SLC9A3: variants seen among roughly 807,000 people sequenced by gnomAD.
SLC9A3 encodes the protein solute carrier family 9 member A3.
A neutral mutation model predicts 86.8 loss-of-function variants in SLC9A3; 37 were observed. The observed-to-expected ratio is 0.43, with a 90% confidence interval of 0.33 to 0.56. The LOEUF is 0.56. Among genes scored for constraint, SLC9A3 ranks in the 20% least tolerant of loss-of-function variants. The probability of loss-of-function intolerance (pLI) is 0.06; values close to 1 mark genes in which losing one functional copy is unlikely to be tolerated. For missense variants in SLC9A3, 1,011 were observed against 1,171.9 expected, an observed-to-expected ratio of 0.86 and a Z score of 2.00; for synonymous variants, 581 against 528.3, an observed-to-expected ratio of 1.10 and a Z score of -1.37.
At chr5:514,346 C>T (rs542530808) in intron 1 of SLC9A3, among the ~76,000 whole-genome samples, 184 of 152,316 alleles carry the variant, frequency 1.2e-3, no homozygotes, top group African/African-American at 4.4e-3. Flanking sequence ...GGCTCTGTCC[C>T]TCAGGGGGCT....
In SLC9A3 at chr5:481,533, GCGACACCGCCGGGGCCGTC is replaced by G; in HGVS notation, c.1517+13_1517+31del. ...AGGATGTTTCCAGAAGCCGGGCTGT[GCGACACCGCCGGGGCCGTC>G]CCAGCCACTTACTTGTCTCTGAGAT... On this transcript the variant is annotated intron_variant, in intron 9 of 16. Coordinates refer to ENST00000264938, the MANE Select transcript of SLC9A3 (RefSeq NM_004174.4). 1 of 1,573,016 alleles carries G rather than the reference GCGACACCGCCGGGGCCGTC, an allele frequency of 6.4e-7. No individual in the cohort carries two copies. Among genetic ancestry groups the G allele is most frequent in the Non-Finnish European group, 8.8e-7 (1 of 1,142,772 alleles).
chr5:486,902 CCAG>C (rs1458230531), intron 3 of SLC9A3, among the ~76,000 whole-genome samples: 327 of 120,132 alleles, frequency 2.7e-3, no homozygotes, highest in African/African-American at 5.8e-3. Context: ...ACACCGTGAT[CCAG>C]ACCGCACTGA....
intron 1 of SLC9A3, among the ~76,000 whole-genome samples, chr5:512,155 C>T (rs1733570962): frequency 6.6e-6 from 1 of 152,190 alleles, no homozygotes; most frequent in Non-Finnish European, 1.5e-5. Context: ...GGCAGTGAAG[C>T]TCCTCTGGAT....
At chr5:508,388 A>G (rs1740714811) in intron 1 of SLC9A3, among the ~76,000 whole-genome samples, 1 of 134,822 alleles carries the variant, frequency 7.4e-6, no homozygotes, top group Non-Finnish European at 1.6e-5. Flanking sequence ...TGCCGCAGGG[A>G]AACTCAGGCC....
At chr5:493,000 C>T (rs573863021) in intron 1 of SLC9A3, among the ~76,000 whole-genome samples, 1 of 152,362 alleles carries the variant, frequency 6.6e-6, no homozygotes, top group Non-Finnish European at 1.5e-5. Context: ...GAGCTTCACC[C>T]CGTCCCCCAG....
At chr5:493,100 G>A (rs374405617) in intron 1 of SLC9A3, among the ~76,000 whole-genome samples, 10 of 141,536 alleles carry the variant, frequency 7.1e-5, no homozygotes, top group African/African-American at 2.6e-4. Context: ...TGTCTCCTGT[G>A]TTTTAGTTGG....
chr5:503,288 C>A (rs567217120), intron 1 of SLC9A3, among the ~76,000 whole-genome samples: 2 of 152,320 alleles, frequency 1.3e-5, no homozygotes, highest in South Asian at 4.1e-4. Context: ...GTAGCCGCAG[C>A]ACTTTGGGAG....
At chr5:477,477 G>A in intron 10 of SLC9A3, 33 bp from the exon 11 acceptor site, 2 of 1,512,116 alleles carry the variant, frequency 1.3e-6, no homozygotes, top group Non-Finnish European at 1.8e-6. Flanking sequence ...TCAGTGGCCT[G>A]AGCAGCCAAG....
rs934019610 is a variant in SLC9A3 at position 475,573 on chromosome 5, C to T, written c.2239G>A (p.Asp747Asn). The change falls in exon 15 of 17, where the codon GAC becomes AAC. Residue 747 changes from aspartate to asparagine, a missense_variant. Coordinates refer to ENST00000264938, the MANE Select transcript of SLC9A3 (RefSeq NM_004174.4). The part of the protein sequence containing the change: ...LASVTKDTAS[D>N]SPAGIDNPVF... ...GCCCCGTCCCCACCTGCAGGGGAGTCGGACGCTGTGTCCTTGGTGACACTA... is the reference window on the plus strand; with the variant it reads ...GCCCCGTCCCCACCTGCAGGGGAGTTGGACGCTGTGTCCTTGGTGACACTA... 8.4e-6 allele frequency: 13 copies of T among 1,547,042 alleles called. No homozygotes were observed. In the African/African-American group the frequency reaches 1.5e-4, roughly 18 times the overall value.
chr5:472,744 G>A lies in SLC9A3; in HGVS notation c.*635C>T, dbSNP rs1228126484. 3.4e-6 allele frequency: 2 copies of A among 582,026 alleles called. No individual in the cohort carries two copies. Among genetic ancestry groups the A allele is most frequent in the Admixed American group, 2.2e-5 (1 of 45,812 alleles). The allele number at this position is 582,026 out of a possible 1,614,324, so 36.1% of individuals were successfully genotyped here. On this transcript the variant is annotated 3_prime_UTR_variant, in exon 17 of 17. Transcript: ENST00000264938. ...CGGCCCAGGCCGCTTGCGGGCGCTGGGCCTGCAGCCGCTGCAGGTCGGGCC... is the reference window on the plus strand; with the variant it reads ...CGGCCCAGGCCGCTTGCGGGCGCTGAGCCTGCAGCCGCTGCAGGTCGGGCC...
Position 471,972 on chromosome 5 carries a change from C to T in SLC9A3, c.*1407G>A, listed in dbSNP as rs1179407760. 2 of 456,534 alleles carry T rather than the reference C, an allele frequency of 4.4e-6. No homozygotes were observed. The highest frequency in any genetic ancestry group is 8.8e-6 in the Non-Finnish European group (2 of 226,976). 28.3% of individuals were successfully genotyped at this position (456,534 alleles called of 1,614,324 possible). A position where few individuals can be genotyped will look rare whatever the true frequency, so the allele number is the denominator to read the frequency against. ...GTGACTGTCAACACTTGATCTGAAA[C>T]GTGAATAGTTTAATTTTCCTGAGCA... On this transcript the variant is annotated 3_prime_UTR_variant, in exon 17 of 17. Coordinates refer to ENST00000264938, the MANE Select transcript of SLC9A3 (RefSeq NM_004174.4).
At position 471,344 on chromosome 5, in the gene SLC9A3, C is replaced by A; in HGVS notation, c.*2035G>T. The A allele has an allele frequency of 5.0e-6, 1 of 198,200 alleles. No individual in the cohort carries two copies. The highest frequency in any genetic ancestry group is 1.1e-5 in the Non-Finnish European group (1 of 94,422). The allele number at this position is 198,200 out of a possible 1,614,324, so 12.3% of individuals were successfully genotyped here. On this transcript the variant is annotated 3_prime_UTR_variant, in exon 17 of 17. Coordinates refer to ENST00000264938, the MANE Select transcript of SLC9A3 (RefSeq NM_004174.4). ...GGAGTCAGATGCAGGCCCAAGGGTC[C>A]AGGGGAGTTGTTCAGCGCCTGGAAT...
intron 15 of SLC9A3, 174 bp downstream of exon 15, chr5:475,387 C>A: frequency 1.6e-6 from 1 of 620,002 alleles, no homozygotes; most frequent in Non-Finnish European, 2.8e-6. Context: ...CCCCGGACAG[C>A]AGCCTCCGAG....
rs1733970964 is a variant in SLC9A3, at chr5:524,261, C to G, written c.62G>C (p.Gly21Ala). 2 of 1,389,830 alleles carry G rather than the reference C, an allele frequency of 1.4e-6. No homozygotes were observed. The highest frequency in any genetic ancestry group is 3.1e-5 in the African/African-American group (2 of 65,536). 86.1% of individuals were successfully genotyped at this position (1,389,830 alleles called of 1,614,324 possible). ...CTCGACGCCCCCGGCCCGCGCCAGC[C>G]CGCCCAGCGCCAGCGCCAGCAGCAG... ...RGLLLALALG[G>A]LARAGGVEVE... is the part of the protein sequence containing the mutation. The change falls in exon 1 of 17, where the codon GGG becomes GCG. Residue 21 changes from glycine to alanine, a missense_variant. By Grantham distance (60) the Gly-to-Ala change is moderately conservative. Coordinates refer to ENST00000264938, the MANE Select transcript of SLC9A3 (RefSeq NM_004174.4).
chr5:510,759 G>A (rs1422654551), intron 1 of SLC9A3, among the ~76,000 whole-genome samples: 7 of 152,186 alleles, frequency 4.6e-5, no homozygotes, highest in Admixed American at 2.0e-4. Flanking sequence ...GGGGGAAGGC[G>A]AGGGAAATGG....
intron 10 of SLC9A3, chr5:479,545 C>T (rs922404297): frequency 5.1e-6 from 2 of 388,380 alleles, no homozygotes; most frequent in Non-Finnish European, 9.7e-6. Flanking sequence ...GCCTGCTTAC[C>T]GTCTGCTCCC....
chr5:476,785 C>T (rs933015576), intron 11 of SLC9A3, 113 bp from the exon 12 acceptor site: 317 of 1,327,926 alleles, frequency 2.4e-4, no homozygotes, highest in Non-Finnish European at 1.8e-4. Flanking sequence ...GCGTGCCCCT[C>T]GCCTTCCCAT....
rs1382034342 is a variant in SLC9A3 at position 497,505 on chromosome 5, T to G, written c.212-5434A>C. Among the ~76,000 whole-genome samples, 3 of 152,252 alleles carry G rather than the reference T, an allele frequency of 2.0e-5. No individual in the cohort carries two copies. In the East Asian group the frequency reaches 5.8e-4, roughly 29 times the overall value. ...TCAGCCGGACTTTGCTTAGTTCACC[T>G]GTCGGAGCCACTCGTTCACGTTTAT... On this transcript the variant is annotated intron_variant, in intron 1 of 16. Coordinates refer to ENST00000264938, the MANE Select transcript of SLC9A3 (RefSeq NM_004174.4). This position sits in a 1 kb window ranked among gnomAD's most constrained non-coding sequence, Gnocchi z 5.4.
intron 1 of SLC9A3, among the ~76,000 whole-genome samples, chr5:500,980 CCA>C (rs1294037871): frequency 1.3e-5 from 2 of 152,162 alleles, no homozygotes; most frequent in Non-Finnish European, 2.9e-5. Flanking sequence ...CGTGTGGCTT[CCA>C]CACAAGGGGA....
Sources: gnomAD v4.1 joint callset for allele counts (sites outside exome capture counted in the v4.1 genomes callset) on GRCh38, gnomAD v4.1.1 for gene constraint, Gnocchi (gnomAD v3.1) non-coding constraint, MANE v1.5 for transcripts, NCBI Gene and HGNC (gene_info 2026-07-23, HGNC 2026-07-21) for gene names.